Variants in TAFA1 observed in about 807,000 individuals in gnomAD.
The protein encoded by TAFA1 is TAFA chemokine like family member 1.
A neutral mutation model predicts 18.5 loss-of-function variants in TAFA1; 4 were observed. The ratio of observed to expected loss-of-function variants is 0.22; its 90% CI spans 0.11 to 0.49. The LOEUF (loss-of-function observed/expected upper bound fraction) is 0.49, where lower values mean the gene tolerates loss of function less well. TAFA1 is among the 20% of genes least tolerant of loss of function. TAFA1 has a pLI of 0.98. For missense variants in TAFA1, 147 were observed against 169.0 expected, an observed-to-expected ratio of 0.87 and a Z score of 0.72; for synonymous variants, 56 against 55.2, an observed-to-expected ratio of 1.01 and a Z score of -0.06.
intron 2 of TAFA1, among the ~76,000 whole-genome samples, chr3:68,253,791 A>G (rs2107171524): frequency 6.6e-6 from 1 of 152,296 alleles, no homozygotes; most frequent in South Asian, 2.1e-4. Context: ...TGAGTGCAAT[A>G]TTGAAACAGG....
At chr3:68,543,849 C>G (rs1181518274) in intron 4 of TAFA1, among the ~76,000 whole-genome samples, 1 of 151,978 alleles carries the variant, frequency 6.6e-6, no homozygotes, top group Non-Finnish European at 1.5e-5. Context: ...TCTTGATTGC[C>G]CTTGAACACA....
intron 2 of TAFA1, among the ~76,000 whole-genome samples, chr3:68,246,153 G>T (rs1452881420): frequency 6.6e-6 from 1 of 152,090 alleles, no homozygotes; most frequent in Admixed American, 6.5e-5. Flanking sequence ...GGAACTGTTG[G>T]CATCCGTTGC....
intron 2 of TAFA1, among the ~76,000 whole-genome samples, chr3:68,373,508 T>C (rs2069752509): frequency 6.6e-6 from 1 of 152,168 alleles, no homozygotes; most frequent in South Asian, 2.1e-4. Flanking sequence ...CAAAGAAACA[T>C]AAGACTTAAA....
At chr3:68,013,509 A>G (rs370758187) in intron 2 of TAFA1, among the ~76,000 whole-genome samples, 89 of 152,246 alleles carry the variant, frequency 5.8e-4, no homozygotes, top group African/African-American at 2.0e-3. Context: ...TTTCTCCTCT[A>G]TAAGTTTAGA....
At chr3:68,476,746 A>G (rs1333716395) in intron 3 of TAFA1, among the ~76,000 whole-genome samples, 1 of 152,166 alleles carries the variant, frequency 6.6e-6, no homozygotes, top group East Asian at 1.9e-4. Context: ...AGGATCCAAG[A>G]TTATTTTTAA....
At chr3:68,425,751 CTGTT>C (rs1210627297) in intron 3 of TAFA1, among the ~76,000 whole-genome samples, 2 of 151,916 alleles carry the variant, frequency 1.3e-5, no homozygotes, top group East Asian at 1.9e-4. Context: ...TGTCATCTTT[CTGTT>C]TGTTTGTTTG....
chr3:68,401,094 C>T (rs569808395), intron 2 of TAFA1, among the ~76,000 whole-genome samples: 2 of 152,296 alleles, frequency 1.3e-5, no homozygotes, highest in South Asian at 2.1e-4. Context: ...GGAGTTTTCA[C>T]TTCTTGGTAG....
chr3:68,227,361 TGG>T (rs2066815067), intron 2 of TAFA1, among the ~76,000 whole-genome samples: 1 of 152,156 alleles, frequency 6.6e-6, no homozygotes, highest in South Asian at 2.1e-4. Context: ...AATGAAATTA[TGG>T]TTTGGGCTGT....
At chr3:68,454,157 G>T (rs1306305674) in intron 3 of TAFA1, among the ~76,000 whole-genome samples, 1 of 152,156 alleles carries the variant, frequency 6.6e-6, no homozygotes, top group Non-Finnish European at 1.5e-5. Context: ...AATTATAAAA[G>T]AATAGTGGCA....
chr3:68,236,521 A>G (rs958356787), intron 2 of TAFA1, among the ~76,000 whole-genome samples: 1 of 152,202 alleles, frequency 6.6e-6, no homozygotes, highest in African/African-American at 2.4e-5. Flanking sequence ...CACTGAAAGG[A>G]GGTACTAATG....
At chr3:68,226,528 T>C (rs1374829413) in intron 2 of TAFA1, among the ~76,000 whole-genome samples, 4 of 152,202 alleles carry the variant, frequency 2.6e-5, no homozygotes, top group Non-Finnish European at 5.9e-5. Flanking sequence ...AAGTGGTTAA[T>C]GAAAATAAAA....
intron 3 of TAFA1, among the ~76,000 whole-genome samples, chr3:68,521,361 A>C (rs1219694885): frequency 6.6e-6 from 1 of 152,172 alleles, no homozygotes; most frequent in African/African-American, 2.4e-5. Context: ...ATCAAGGGAG[A>C]AGGAGTTGGG....
At chr3:68,389,644 AT>A in intron 2 of TAFA1, among the ~76,000 whole-genome samples, 1 of 152,116 alleles carries the variant, frequency 6.6e-6, no homozygotes, top group Non-Finnish European at 1.5e-5. Context: ...TGATTTCTGC[AT>A]TTCTAACTGA....
intron 3 of TAFA1, among the ~76,000 whole-genome samples, chr3:68,513,115 GT>G (rs2072873851): frequency 6.6e-6 from 1 of 152,024 alleles, no homozygotes; most frequent in East Asian, 1.9e-4. Flanking sequence ...CAATGCCCAG[GT>G]TTTTTTATGA....
intron 3 of TAFA1, among the ~76,000 whole-genome samples, chr3:68,525,198 G>A (rs2175518): frequency 0.19 from 29,429 of 152,070 alleles, 3,282 homozygotes; most frequent in South Asian, 0.37. Flanking sequence ...TCACTGACAC[G>A]AACAAAATGA....
chr3:68,138,887 A>C (rs1419319897), intron 2 of TAFA1, among the ~76,000 whole-genome samples: 3 of 152,166 alleles, frequency 2.0e-5, no homozygotes, highest in Non-Finnish European at 4.4e-5. Context: ...GGGTAGAGTT[A>C]GGATATGTTT....
intron 3 of TAFA1, among the ~76,000 whole-genome samples, chr3:68,465,059 A>G (rs1305123409): frequency 3.9e-5 from 6 of 152,136 alleles, no homozygotes; most frequent in Non-Finnish European, 5.9e-5. Flanking sequence ...CCCCTTCGCT[A>G]GTGATTGGCT....
intron 2 of TAFA1, among the ~76,000 whole-genome samples, chr3:68,147,814 A>G (rs1364400193): frequency 6.6e-6 from 1 of 152,224 alleles, no homozygotes; most frequent in Non-Finnish European, 1.5e-5. Flanking sequence ...TGTATAAAAC[A>G]GGGCTCACAC....
At chr3:68,426,464 T>A (rs1341711781) in intron 3 of TAFA1, among the ~76,000 whole-genome samples, 2 of 151,792 alleles carry the variant, frequency 1.3e-5, no homozygotes, top group Non-Finnish European at 2.9e-5. Flanking sequence ...CGCAGGGAAA[T>A]AAGTAGTTCA....
Sources: gnomAD v4.1 joint callset for allele counts (sites outside exome capture counted in the v4.1 genomes callset) on GRCh38, gnomAD v4.1.1 for gene constraint, MANE v1.5 for transcripts, NCBI Gene and HGNC (gene_info 2026-07-23, HGNC 2026-07-21) for gene names.